Variants in TOX observed in about 807,000 individuals in gnomAD.
TOX encodes the protein thymocyte selection-associated high mobility group box protein TOX.
Under a neutral mutation model 53.7 loss-of-function variants are expected in TOX, and 11 were observed. That is an observed-to-expected ratio of 0.20 (90% CI 0.13 to 0.34). The LOEUF is 0.34. Among genes scored for constraint, TOX ranks in the 10% least tolerant of loss-of-function variants. The pLI, the probability that TOX is intolerant of heterozygous loss-of-function variation, is 1.00. For synonymous variants in TOX, 225 were observed against 245.3 expected (o/e 0.92, Z 0.77); for missense variants, 570 against 664.6 (o/e 0.86, Z 1.56).
intron 4 of TOX, among the ~76,000 whole-genome samples, chr8:58,845,540 A>G (rs1215819480): frequency 6.6e-6 from 1 of 152,124 alleles, no homozygotes; most frequent in Non-Finnish European, 1.5e-5. Flanking sequence ...TCATTTTACA[A>G]TTGGGTTTAT....
intron 1 of TOX, among the ~76,000 whole-genome samples, chr8:58,971,679 T>C (rs116022670): frequency 0.011 from 974 of 87,982 alleles, 5 homozygotes; most frequent in African/African-American, 0.035. Flanking sequence ...AAGTTATCTG[T>C]AGATTTTTTT....
chr8:58,894,674 ACT>A, intron 3 of TOX, among the ~76,000 whole-genome samples: 2 of 151,848 alleles, frequency 1.3e-5, no homozygotes, highest in East Asian at 1.9e-4. Context: ...CGGGTGGATC[ACT>A]TGAGGTCAGC....
At chr8:59,037,696 G>C (rs550167527) in intron 1 of TOX, among the ~76,000 whole-genome samples, 1 of 151,756 alleles carries the variant, frequency 6.6e-6, no homozygotes, top group South Asian at 2.1e-4. Context: ...TAGCTACTTG[G>C]GGGGCTGAAG....
At chr8:59,090,983 C>A (rs772991870) in intron 1 of TOX, among the ~76,000 whole-genome samples, 16 of 152,172 alleles carry the variant, frequency 1.1e-4, no homozygotes, top group Non-Finnish European at 2.2e-4. Context: ...AGCTGTGACT[C>A]CAGCAGGTTT....
chr8:59,078,124 C>T (rs894063927), intron 1 of TOX, among the ~76,000 whole-genome samples: 2 of 152,170 alleles, frequency 1.3e-5, no homozygotes, highest in Non-Finnish European at 2.9e-5. Flanking sequence ...TGCTACAACC[C>T]AAGCTTGGTG....
At chr8:59,065,058 C>T (rs1804062657) in intron 1 of TOX, among the ~76,000 whole-genome samples, 1 of 152,094 alleles carries the variant, frequency 6.6e-6, no homozygotes, top group Admixed American at 6.6e-5. Flanking sequence ...CTTCCACAAG[C>T]TCAGGTTCAA....
At position 59,065,789 on chromosome 8, in the gene TOX, C is replaced by G. The variant is rs887694778; in HGVS notation, c.102+53097G>C. Among the ~76,000 whole-genome samples the G allele has an allele frequency of 2.6e-5, 4 of 152,144 alleles. 1 individual carries two copies. The highest frequency in any genetic ancestry group is 2.0e-4 in the Admixed American group (3 of 15,288). ...CAAAATTCTGTTCCAAACTAAGATT[C>G]TTTCACTCTTGGTTTCTCCCTTCTG... On this transcript the variant is annotated intron_variant, in intron 1 of 8. Coordinates refer to ENST00000361421, the MANE Select transcript of TOX (RefSeq NM_014729.3).
At chr8:58,861,235 C>A (rs564842427) in intron 3 of TOX, among the ~76,000 whole-genome samples, 1 of 152,316 alleles carries the variant, frequency 6.6e-6, no homozygotes, top group Non-Finnish European at 1.5e-5. Context: ...ATGAGAGGCT[C>A]ACGGACTAAA....
In TOX at chr8:58,807,724, G is replaced by A. The variant is rs769089865; in HGVS notation, c.*23C>T. 7.4e-6 allele frequency: 12 copies of A among 1,613,608 alleles called. No individual in the cohort carries two copies. In the South Asian group the frequency reaches 1.3e-4, roughly 18 times the overall value. ...AAAACACTTCCCTGAATTCCTCAGTGGAAAGAAGAGGTGTTCAGATTCTCA... is the reference window on the plus strand; with the variant it reads ...AAAACACTTCCCTGAATTCCTCAGTAGAAAGAAGAGGTGTTCAGATTCTCA... On this transcript the variant is annotated 3_prime_UTR_variant, in exon 9 of 9. Coordinates refer to ENST00000361421, the MANE Select transcript of TOX (RefSeq NM_014729.3).
chr8:58,927,994 G>A (rs900951219), intron 3 of TOX, among the ~76,000 whole-genome samples: 8 of 152,244 alleles, frequency 5.3e-5, no homozygotes, highest in Admixed American at 2.6e-4. Flanking sequence ...AGGTTTCTGC[G>A]GGTGACTCCA....
intron 1 of TOX, among the ~76,000 whole-genome samples, chr8:59,065,016 A>T (rs1804062023): frequency 2.6e-5 from 4 of 152,144 alleles, no homozygotes; most frequent in Admixed American, 2.6e-4. Flanking sequence ...ACCTACTTAC[A>T]TGAAAAAGGA....
At chr8:58,819,129 T>C (rs962384670) in intron 6 of TOX, among the ~76,000 whole-genome samples, 21 of 152,246 alleles carry the variant, frequency 1.4e-4, no homozygotes, top group African/African-American at 4.8e-4. Context: ...TGAAAATACA[T>C]AGAAATCATA....
chr8:59,043,164 C>T (rs1244554296), intron 1 of TOX, among the ~76,000 whole-genome samples: 3 of 151,206 alleles, frequency 2.0e-5, no homozygotes, highest in Admixed American at 2.0e-4. Flanking sequence ...CCATATTTAT[C>T]TCAAAACTCT....
chr8:59,008,107 G>A (rs1268242035), intron 1 of TOX, among the ~76,000 whole-genome samples: 1 of 152,108 alleles, frequency 6.6e-6, no homozygotes, highest in Non-Finnish European at 1.5e-5. Flanking sequence ...CCACTCATCA[G>A]TTTCTTTCAT....
chr8:58,970,294 C>T (rs1171212285), intron 1 of TOX, among the ~76,000 whole-genome samples: 3 of 152,160 alleles, frequency 2.0e-5, no homozygotes, highest in East Asian at 3.8e-4. Context: ...TTTATCCTTG[C>T]TTAGTGATTT....
chr8:58,933,311 T>C (rs1812289079), intron 3 of TOX, among the ~76,000 whole-genome samples: 4 of 152,066 alleles, frequency 2.6e-5, no homozygotes. Flanking sequence ...TATACCAAAG[T>C]GGGGAGAAAC....
intron 2 of TOX, among the ~76,000 whole-genome samples, chr8:58,959,017 T>A (rs9650194): frequency 3.3e-5 from 5 of 151,984 alleles, no homozygotes; most frequent in Non-Finnish European, 7.4e-5. Flanking sequence ...TCTATATGTG[T>A]GGATATGTAG....
chr8:59,071,710 T>C (rs1023841796), intron 1 of TOX, among the ~76,000 whole-genome samples: 2 of 152,180 alleles, frequency 1.3e-5, no homozygotes, highest in African/African-American at 2.4e-5. Context: ...TCCAGGTAAG[T>C]AGATTTTGAC....
chr8:59,028,375 G>A (rs1180799657), intron 1 of TOX, among the ~76,000 whole-genome samples: 1 of 152,000 alleles, frequency 6.6e-6, no homozygotes, highest in African/African-American at 2.4e-5. Context: ...CAGAAAAGGG[G>A]TTATTTTACA....
Sources: allele counts gnomAD v4.1 joint callset (sites outside exome capture counted in the v4.1 genomes callset), GRCh38; gene constraint gnomAD v4.1.1; transcripts MANE v1.5; gene names NCBI Gene and HGNC (gene_info 2026-07-23, HGNC 2026-07-21).